Variants in RGMB observed in about 807,000 individuals in gnomAD.
RGMB encodes repulsive guidance molecule BMP co-receptor b, also known as repulsive guidance molecule B.
In RGMB, 16 loss-of-function variants were observed where a neutral mutation model predicts 26.9. That is an observed-to-expected ratio of 0.60 (90% CI 0.40 to 0.90). RGMB has a LOEUF of 0.90. Ranked by LOEUF, RGMB falls within the 40% of genes least tolerant of loss-of-function variation. The pLI, the probability that RGMB is intolerant of heterozygous loss-of-function variation, is 0.00. For synonymous variants in RGMB, 225 were observed against 229.3 expected (o/e 0.98, Z 0.17); for missense variants, 512 against 573.3 (o/e 0.89, Z 1.09).
intron 1 of RGMB, among the ~76,000 whole-genome samples, chr5:98,774,876 G>C (rs1458041056): frequency 1.3e-5 from 2 of 152,162 alleles, no homozygotes; most frequent in African/African-American, 4.8e-5. Flanking sequence ...CTGCCTTCTG[G>C]AGGTCGGCGC....
At chr5:98,790,207 GC>G (rs1345459108) in intron 2 of RGMB, among the ~76,000 whole-genome samples, 2 of 152,152 alleles carry the variant, frequency 1.3e-5, no homozygotes, top group African/African-American at 4.8e-5. Flanking sequence ...CTAGGTACCT[GC>G]TCAGTGCATA....
chr5:98,778,959 G>A (rs1294909274), intron 1 of RGMB, among the ~76,000 whole-genome samples: 1 of 151,112 alleles, frequency 6.6e-6, no homozygotes, highest in Non-Finnish European at 1.5e-5. Flanking sequence ...AGGAAATTGT[G>A]TCAGTTTATT....
At position 98,773,942 on chromosome 5, in the gene RGMB, C is replaced by A; in HGVS notation, c.-129C>A. ...CGGTGGTGGCGCCCCATCTGCTACACGGGCCTGAAGAAGGAAGAAGAGGAA... is the reference window on the plus strand; with the variant it reads ...CGGTGGTGGCGCCCCATCTGCTACAAGGGCCTGAAGAAGGAAGAAGAGGAA... On this transcript the variant is annotated 5_prime_UTR_variant, in exon 1 of 3. Coordinates refer to ENST00000513185, the MANE Select transcript of RGMB (RefSeq NM_001366508.1). 1.7e-6 allele frequency: 1 copy of A among 601,010 alleles called. No individual in the cohort carries two copies. The highest frequency in any genetic ancestry group is 3.0e-6 in the Non-Finnish European group (1 of 333,664). The allele number at this position is 601,010 out of a possible 1,614,324, so 37.2% of individuals were successfully genotyped here.
intron 1 of RGMB, among the ~76,000 whole-genome samples, chr5:98,777,282 A>G (rs1174772712): frequency 1.3e-5 from 2 of 152,226 alleles, no homozygotes; most frequent in Non-Finnish European, 2.9e-5. Flanking sequence ...ATAGACCATA[A>G]AAAGAACAAA....
Position 98,793,372 on chromosome 5 carries a change from G to A in RGMB, c.933G>A (p.Leu311=), listed in dbSNP as rs1321874717. The A allele has an allele frequency of 6.2e-7, 1 of 1,613,514 alleles. No homozygotes were observed. The highest frequency in any genetic ancestry group is 8.5e-7 in the Non-Finnish European group (1 of 1,179,790). ...MSYEESQDLQ[L]CVNGCPLSER... ...ACGAGGAGAGCCAGGACCTGCAGCT[G>A]TGCGTGAACGGCTGCCCCCTGAGTG... is the stretch of plus-strand genomic sequence containing the variant. Residue 311 remains leucine (L), a synonymous_variant, in exon 3 of 3, where the codon CTG becomes CTA. Transcript: ENST00000513185.
intron 2 of RGMB, chr5:98,780,735 A>T (rs1746575002): frequency 6.6e-6 from 1 of 152,288 alleles, no homozygotes; most frequent in Admixed American, 6.5e-5. Flanking sequence ...GACAAAATTT[A>T]GCTTACCATG....
chr5:98,773,668 G>C lies in RGMB; in HGVS notation c.-403G>C, dbSNP rs768490554. 2.6e-5 allele frequency: 9 copies of C among 351,460 alleles called. No homozygotes were observed. The highest frequency in any genetic ancestry group is 3.6e-5 in the Non-Finnish European group (7 of 196,246). The allele number at this position is 351,460 out of a possible 1,614,324, so 21.8% of individuals were successfully genotyped here. ...TCGACCGCGGGGGCTGCCGCGCAGAGATATCCGGGCCGCCGGTGGGTGGTC... is the reference window on the plus strand; with the variant it reads ...TCGACCGCGGGGGCTGCCGCGCAGACATATCCGGGCCGCCGGTGGGTGGTC... On this transcript the variant is annotated 5_prime_UTR_variant, in exon 1 of 3. Transcript: ENST00000513185.
chr5:98,795,293 A>G lies in RGMB; in HGVS notation c.*1540A>G, dbSNP rs540082378. Reference sequence around the variant, plus strand: ...ATAAGTTTACATAAACAGAAATAAAAGATACTATCTTTACCGTAGTAGTTC... The same window carrying G: ...ATAAGTTTACATAAACAGAAATAAAGGATACTATCTTTACCGTAGTAGTTC... On this transcript the variant is annotated 3_prime_UTR_variant, in exon 3 of 3. Transcript: ENST00000513185. 3.9e-5 allele frequency: 6 copies of G among 152,378 alleles called. No individual in the cohort carries two copies. In the South Asian group the frequency reaches 1.2e-3, roughly 32 times the overall value. The allele number at this position is 152,378 out of a possible 1,614,324, so 9.4% of individuals were successfully genotyped here. A position where few individuals can be genotyped will look rare whatever the true frequency, so the allele number is the denominator to read the frequency against.
At chr5:98,786,802 A>G (rs959997132) in intron 2 of RGMB, among the ~76,000 whole-genome samples, 1 of 152,230 alleles carries the variant, frequency 6.6e-6, no homozygotes, top group African/African-American at 2.4e-5. Context: ...ACAGCCTTGC[A>G]GTGAAATCAC....
intron 2 of RGMB, chr5:98,780,340 C>T: frequency 2.4e-6 from 1 of 419,312 alleles, no homozygotes; most frequent in African/African-American, 2.0e-5. Context: ...TTGAGTTCTC[C>T]AGGGAAAAGG....
chr5:98,793,011 C>A, intron 2 of RGMB, 74 bp from the exon 3 acceptor site: 1 of 1,230,160 alleles, frequency 8.1e-7, no homozygotes, highest in Non-Finnish European at 1.1e-6. Context: ...TGGCGGGGAG[C>A]TCTTGCTACA....
chr5:98,787,842 T>C (rs1243901773), intron 2 of RGMB, among the ~76,000 whole-genome samples: 5 of 152,246 alleles, frequency 3.3e-5, no homozygotes, highest in African/African-American at 1.2e-4. Flanking sequence ...GTTCCTTTTA[T>C]GTGTCTTCCT....
rs1262751028 is a variant in RGMB, at chr5:98,795,489, A to T, written c.*1736A>T. The stretch of plus-strand genomic sequence containing the variant: ...ACCCAGTCACAGAGTGGAGTTGTGA[A>T]TTCATGTAGAGGTGGCAAACCTCTA... On this transcript the variant is annotated 3_prime_UTR_variant, in exon 3 of 3. Transcript: ENST00000513185. 6.6e-6 allele frequency: 1 copy of T among 152,240 alleles called. No homozygotes were observed. Among genetic ancestry groups the T allele is most frequent in the Non-Finnish European group, 1.5e-5 (1 of 68,044 alleles). 9.4% of individuals were successfully genotyped at this position (152,240 alleles called of 1,614,324 possible).
chr5:98,768,937 G>C (rs1218111758), upstream of RGMB: 1 of 152,206 alleles, frequency 6.6e-6, no homozygotes, highest in Non-Finnish European at 1.5e-5. Context: ...CTTGGCCGGG[G>C]CGCGGAGTGG....
chr5:98,770,668 A>G, upstream of RGMB: 1 of 1,467,978 alleles, frequency 6.8e-7, no homozygotes, highest in Non-Finnish European at 9.1e-7. Flanking sequence ...AAGGGTTAAG[A>G]ATGATGTAAG....
Position 98,774,150 on chromosome 5 carries a change from C to T in RGMB, c.80C>T (p.Pro27Leu), listed in dbSNP as rs1293482560. The part of the protein sequence containing the change: ...VEQRRSPGLC[P>L]PPLELLLLLL... ...CAGCGCCGCAGCCCCGGGCTCTGCC[C>T]CCCGCCGCTGGAGCTGCTGCTGCTG... The change falls in exon 1 of 3, where the codon CCC becomes CTC. Residue 27 changes from proline to leucine, a missense_variant. Coordinates refer to ENST00000513185, the MANE Select transcript of RGMB (RefSeq NM_001366508.1). The T allele has an allele frequency of 4.0e-6, 6 of 1,496,646 alleles. No individual in the cohort carries two copies. Among genetic ancestry groups the T allele is most frequent in the Middle Eastern group, 2.3e-4 (1 of 4,338 alleles). 92.7% of individuals were successfully genotyped at this position (1,496,646 alleles called of 1,614,324 possible).
At chr5:98,777,951 C>T (rs529208891) in intron 1 of RGMB, among the ~76,000 whole-genome samples, 1 of 151,958 alleles carries the variant, frequency 6.6e-6, no homozygotes, top group Non-Finnish European at 1.5e-5. Context: ...CCTTTTTGAC[C>T]CAAACACACT....
chr5:98,770,554 T>G, upstream of RGMB: 1 of 999,862 alleles, frequency 1.0e-6, no homozygotes, highest in Non-Finnish European at 1.3e-6. Flanking sequence ...CCTCCGCGAG[T>G]GCATTGCTCA....
At chr5:98,770,541 C>A (rs58631862), upstream of RGMB, 42,793 of 872,450 alleles carry the variant, frequency 0.049, 1,181 homozygotes, top group South Asian at 0.1. Flanking sequence ...CCCGGGCTCT[C>A]TCCCTCCGCG....
Sources: allele counts gnomAD v4.1 joint callset (sites outside exome capture counted in the v4.1 genomes callset), GRCh38; gene constraint gnomAD v4.1.1; transcripts MANE v1.5; gene names NCBI Gene and HGNC (gene_info 2026-07-23, HGNC 2026-07-21).